The following PRKN variants were observed in gnomAD, a reference collection of about 807,000 sequenced individuals.
PRKN encodes the protein E3 ubiquitin-protein ligase parkin.
A neutral mutation model predicts 59.5 loss-of-function variants in PRKN; 56 were observed. The observed-to-expected ratio is 0.94, with a 90% CI of 0.76 to 1.18. The LOEUF is 1.18. PRKN is among the 50% of genes most tolerant of loss of function. The pLI is 0.00. For synonymous variants in PRKN, 250 were observed against 222.1 expected, an observed-to-expected ratio of 1.13 and a Z score of -1.12; for missense variants, 657 against 596.4, an observed-to-expected ratio of 1.10 and a Z score of -1.06.
intron 1 of PRKN, among the ~76,000 whole-genome samples, chr6:162,644,556 G>A (rs184147733): frequency 6.6e-6 from 1 of 152,040 alleles, no homozygotes; most frequent in Non-Finnish European, 1.5e-5. Context: ...AAAAATAACC[G>A]TTGAATATTT....
chr6:161,770,502 C>A (rs1789620453), intron 7 of PRKN, among the ~76,000 whole-genome samples: 1 of 151,914 alleles, frequency 6.6e-6, no homozygotes, highest in African/African-American at 2.4e-5. Context: ...GAGTTTCATT[C>A]TGTCACCCAG....
intron 2 of PRKN, among the ~76,000 whole-genome samples, chr6:162,416,964 T>G (rs6938624): frequency 0.55 from 83,490 of 151,984 alleles, 23,907 homozygotes; most frequent in African/African-American, 0.71. Context: ...GCAGTTCTCC[T>G]AACTAAACAG....
At chr6:162,553,799 C>G (rs1423187071) in intron 1 of PRKN, among the ~76,000 whole-genome samples, 2 of 47,780 alleles carry the variant, frequency 4.2e-5, no homozygotes, top group African/African-American at 2.0e-4. Flanking sequence ...AAGAATCCAT[C>G]TCAAAAAAAA....
intron 4 of PRKN, among the ~76,000 whole-genome samples, chr6:162,178,893 A>G (rs1783657079): frequency 6.6e-6 from 1 of 152,036 alleles, no homozygotes. Flanking sequence ...GTTTTGAGTC[A>G]AGGGCTCTCC....
intron 4 of PRKN, among the ~76,000 whole-genome samples, chr6:162,153,058 T>A (rs963350350): frequency 6.6e-6 from 1 of 152,196 alleles, no homozygotes; most frequent in Non-Finnish European, 1.5e-5. Context: ...CCAGGGCTTT[T>A]AAAACGTTAA....
chr6:161,944,018 A>AGCC (rs1779679823), intron 6 of PRKN, among the ~76,000 whole-genome samples: 28 of 138,676 alleles, frequency 2.0e-4, no homozygotes, highest in African/African-American at 6.4e-4. Flanking sequence ...AGCCTGAGGG[A>AGCC]TCAGCCTGAG....
intron 1 of PRKN, among the ~76,000 whole-genome samples, chr6:162,676,257 G>A (rs1303008282): frequency 6.6e-6 from 1 of 152,128 alleles, no homozygotes; most frequent in South Asian, 2.1e-4. Flanking sequence ...CTTCAGAAAG[G>A]AAAGCGCCAA....
chr6:162,560,867 A>AAAAAAAAAAAAAC (rs1779809900), intron 1 of PRKN, among the ~76,000 whole-genome samples: 2 of 148,202 alleles, frequency 1.3e-5, no homozygotes, highest in African/African-American at 5.0e-5. Flanking sequence ...AAAAAAAAAA[A>AAAAAAAAAAAAAC]CCCAGGTCAT....
chr6:162,373,992 T>C (rs1785905449), intron 2 of PRKN, among the ~76,000 whole-genome samples: 1 of 152,202 alleles, frequency 6.6e-6, no homozygotes, highest in Admixed American at 6.6e-5. Context: ...TTGAAGAATT[T>C]GTCACCTTTC....
chr6:162,685,390 T>C (rs1779931617), intron 1 of PRKN, among the ~76,000 whole-genome samples: 1 of 152,140 alleles, frequency 6.6e-6, no homozygotes, highest in Admixed American at 6.6e-5. Flanking sequence ...TTCAGAAAAG[T>C]ATATATTTTT....
intron 4 of PRKN, among the ~76,000 whole-genome samples, chr6:162,171,706 CT>C (rs1202179085): frequency 6.6e-6 from 1 of 152,148 alleles, no homozygotes; most frequent in Non-Finnish European, 1.5e-5. Context: ...CTAACTGCCC[CT>C]GGCCCATGAC....
At chr6:162,162,738 G>A (rs1471059317) in intron 4 of PRKN, among the ~76,000 whole-genome samples, 3 of 151,972 alleles carry the variant, frequency 2.0e-5, no homozygotes, top group Non-Finnish European at 1.5e-5. Flanking sequence ...GGCCGGGTGC[G>A]GTGGCTCATG....
At chr6:161,365,312 T>TA (rs1276358584) in intron 10 of PRKN, among the ~76,000 whole-genome samples, 2 of 152,192 alleles carry the variant, frequency 1.3e-5, no homozygotes, top group African/African-American at 4.8e-5. Flanking sequence ...TCTTAGCACT[T>TA]ATCTGGGAGG....
chr6:162,334,001 TCCCTAAA>T (rs1436393208), intron 2 of PRKN, among the ~76,000 whole-genome samples: 2 of 152,118 alleles, frequency 1.3e-5, no homozygotes, highest in East Asian at 3.9e-4. Flanking sequence ...GCCACAACAT[TCCCTAAA>T]GCCAAAGCCT....
At chr6:161,949,959 A>G (rs1273409082) in intron 6 of PRKN, among the ~76,000 whole-genome samples, 2 of 152,152 alleles carry the variant, frequency 1.3e-5, no homozygotes, top group African/African-American at 2.4e-5. Flanking sequence ...GCATCTCCTC[A>G]TGGGGCAAAG....
intron 1 of PRKN, among the ~76,000 whole-genome samples, chr6:162,716,768 G>A (rs984209912): frequency 1.1e-4 from 16 of 140,044 alleles, no homozygotes; most frequent in Admixed American, 2.2e-4. Context: ...GCGCGCGCGC[G>A]CACGCACACA....
chr6:162,100,204 A>G (rs1779909837), intron 4 of PRKN, among the ~76,000 whole-genome samples: 1 of 152,154 alleles, frequency 6.6e-6, no homozygotes, highest in Non-Finnish European at 1.5e-5. Context: ...GTAGGTCCCT[A>G]CCTGGGCTAT....
chr6:162,135,061 A>G (rs1246821954), intron 4 of PRKN, among the ~76,000 whole-genome samples: 1 of 152,142 alleles, frequency 6.6e-6, no homozygotes, highest in Non-Finnish European at 1.5e-5. Flanking sequence ...CAGTAGCATC[A>G]CCTTTTACAT....
chr6:161,903,579 C>T (rs1006191023), intron 6 of PRKN, among the ~76,000 whole-genome samples: 1 of 151,970 alleles, frequency 6.6e-6, no homozygotes. Context: ...GGGTTGCCAA[C>T]CAATTTAGAG....
Sources: allele counts gnomAD v4.1 joint callset (sites outside exome capture counted in the v4.1 genomes callset), GRCh38; gene constraint gnomAD v4.1.1; transcripts MANE v1.5; gene names NCBI Gene and HGNC (gene_info 2026-07-23, HGNC 2026-07-21).